The following IRAK1BP1 variants were observed in gnomAD, a reference collection of about 807,000 sequenced individuals.
IRAK1BP1 encodes the protein interleukin 1 receptor associated kinase 1 binding protein 1.
A neutral mutation model predicts 28.0 loss-of-function variants in IRAK1BP1; 24 were observed. The observed-to-expected ratio is 0.86, with a 90% CI of 0.62 to 1.20. The LOEUF is 1.20. IRAK1BP1 is among the 50% of genes most tolerant of loss of function. The pLI, the probability that IRAK1BP1 is intolerant of heterozygous loss-of-function variation, is 0.00. For missense variants in IRAK1BP1, 336 were observed against 316.7 expected, an observed-to-expected ratio of 1.06 and a Z score of -0.46; for synonymous variants, 131 against 116.3, an observed-to-expected ratio of 1.13 and a Z score of -0.81.
chr6:78,972,373 T>C, the IRAK1BP1 span, among the ~76,000 whole-genome samples: 1 of 152,062 alleles, frequency 6.6e-6, no homozygotes, highest in African/African-American at 2.4e-5. Context: ...CAAAAACCCA[T>C]CTGTACATCA....
the IRAK1BP1 span, chr6:78,961,928 T>C: frequency 1.4e-6 from 1 of 724,784 alleles, no homozygotes; most frequent in Non-Finnish European, 2.2e-6. Context: ...AGTCTGCCAC[T>C]GTCTTTTCAT....
intron 4 of IRAK1BP1, among the ~76,000 whole-genome samples, chr6:78,943,989 T>TAA (rs1424311614): frequency 0.021 from 998 of 46,716 alleles, 5 homozygotes; most frequent in Non-Finnish European, 0.026. Context: ...CTGTCTTTTT[T>TAA]TAAAAAAAAA....
At chr6:78,893,893 ACT>A (rs1208207801) in intron 2 of IRAK1BP1, among the ~76,000 whole-genome samples, 1 of 152,012 alleles carries the variant, frequency 6.6e-6, no homozygotes, top group Non-Finnish European at 1.5e-5. Context: ...ACAGAGCAAG[ACT>A]CTGTCTCAAA....
chr6:78,972,369 C>G, the IRAK1BP1 span, among the ~76,000 whole-genome samples: 9 of 152,130 alleles, frequency 5.9e-5, no homozygotes, highest in Non-Finnish European at 1.0e-4. Context: ...ACATCAAAAA[C>G]CCATCTGTAC....
Position 78,898,770 on chromosome 6 carries a change from GAC to G in IRAK1BP1, c.*438_*439del, listed in dbSNP as rs894094006. ...GTTAGCTAAATTTTTTAAATTGTAAGACAAAATTTTTATGGAAAAGAATTCCT... is the reference window on the plus strand; with the variant it reads ...GTTAGCTAAATTTTTTAAATTGTAAGAAAATTTTTATGGAAAAGAATTCCT... On this transcript the variant is annotated 3_prime_UTR_variant, in exon 4 of 4. Transcript: ENST00000369940. 3.3e-5 allele frequency: 5 copies of G among 151,816 alleles called. No individual in the cohort carries two copies. The highest frequency in any genetic ancestry group is 1.2e-4 in the African/African-American group (5 of 41,324). 9.4% of individuals were successfully genotyped at this position (151,816 alleles called of 1,614,324 possible). A position where few individuals can be genotyped will look rare whatever the true frequency, so the allele number is the denominator to read the frequency against.
rs529972201 is a variant in IRAK1BP1, at chr6:78,867,659, C to T, written c.83C>T (p.Ala28Val). ...WADRSRENNL[A>V]SGRETLPGLR... ...GACCGGAGCCGGGAGAACAACCTGG[C>T]CTCAGGGAGAGAGACGCTACCGGGC... Residue 28 changes from alanine (A) to valine (V), a missense_variant, in exon 1 of 4, where the codon GCC (alanine) becomes GTC (valine). Physicochemically the swap from Ala to Val is moderately conservative, Grantham distance 64. Transcript: ENST00000369940. 8 of 1,614,246 alleles carry T rather than the reference C, an allele frequency of 5.0e-6. No individual in the cohort carries two copies. In the Admixed American group the frequency reaches 8.3e-5, roughly 17 times the overall value.
At chr6:78,908,200 G>A (rs1037132889) in intron 4 of IRAK1BP1, among the ~76,000 whole-genome samples, 2 of 151,420 alleles carry the variant, frequency 1.3e-5, no homozygotes, top group African/African-American at 2.4e-5. Context: ...ACAGGTGCCC[G>A]CCATCATGCC....
the IRAK1BP1 span, chr6:78,958,656 C>A: frequency 9.4e-7 from 1 of 1,063,152 alleles, no homozygotes; most frequent in Non-Finnish European, 1.4e-6. Flanking sequence ...AATATGTGTA[C>A]ATCATTTAAA....
At chr6:78,962,375 ATACT>A in the IRAK1BP1 span, among the ~76,000 whole-genome samples, 1 of 152,158 alleles carries the variant, frequency 6.6e-6, no homozygotes, top group African/African-American at 2.4e-5. Context: ...TTCGCATATA[ATACT>A]TAATATCCTA....
chr6:78,894,799 C>A (rs1224311915), intron 2 of IRAK1BP1, among the ~76,000 whole-genome samples: 1 of 152,060 alleles, frequency 6.6e-6, no homozygotes, highest in African/African-American at 2.4e-5. Flanking sequence ...CCAAGGTAGA[C>A]CATATTCTGT....
chr6:78,966,055 A>C, the IRAK1BP1 span: 1 of 1,604,234 alleles, frequency 6.2e-7, no homozygotes, highest in African/African-American at 1.3e-5. Context: ...TGAAGCGGTC[A>C]CCTGGCCAAG....
chr6:78,927,243 A>T (rs1386176112), intron 4 of IRAK1BP1, among the ~76,000 whole-genome samples: 1 of 152,176 alleles, frequency 6.6e-6, no homozygotes, highest in Non-Finnish European at 1.5e-5. Context: ...AGCCATTTTA[A>T]CTGGGGTGAG....
chr6:78,938,686 ATT>A (rs1773360480), intron 4 of IRAK1BP1: 2 of 151,670 alleles, frequency 1.3e-5, no homozygotes, highest in Admixed American at 1.3e-4. Context: ...AGTTAAATAT[ATT>A]TGTTAGAAAA....
intron 4 of IRAK1BP1, among the ~76,000 whole-genome samples, chr6:78,915,419 G>A (rs1443809373): frequency 2.6e-5 from 4 of 152,138 alleles, no homozygotes; most frequent in East Asian, 1.9e-4. Flanking sequence ...CCAAGAAAAC[G>A]TGCCTCACAG....
At chr6:78,916,425 C>T (rs957799792) in intron 4 of IRAK1BP1, among the ~76,000 whole-genome samples, 2 of 152,028 alleles carry the variant, frequency 1.3e-5, no homozygotes, top group Non-Finnish European at 2.9e-5. Context: ...AGAAGTCACT[C>T]ATCAATCCAG....
chr6:78,890,676 A>G (rs147375540), intron 2 of IRAK1BP1, among the ~76,000 whole-genome samples: 98 of 152,346 alleles, frequency 6.4e-4, no homozygotes, highest in African/African-American at 2.2e-3. Context: ...CTGAACAGCA[A>G]TTGGACCTCT....
chr6:78,946,363 T>C (rs541024126), exon 5 of IRAK1BP1: 223 of 1,400,232 alleles, frequency 1.6e-4, no homozygotes, highest in Non-Finnish European at 3.8e-6. Flanking sequence ...TTATGAAATA[T>C]GTTAAAATAT....
chr6:78,901,970 T>C lies in IRAK1BP1; in HGVS notation c.*3636T>C, dbSNP rs2127657175. ...AATAGTAAGGAGTTCTTATAGCCTA[T>C]AAAAAGCATGAATTATGAGATCAAA... On this transcript the variant is annotated 3_prime_UTR_variant, in exon 4 of 4. Coordinates refer to ENST00000369940, the MANE Select transcript of IRAK1BP1 (RefSeq NM_001010844.4). The C allele has an allele frequency of 6.6e-6, 1 of 152,312 alleles. No individual in the cohort carries two copies. The highest frequency in any genetic ancestry group is 2.4e-5 in the African/African-American group (1 of 41,582). 9.4% of individuals were successfully genotyped at this position (152,312 alleles called of 1,614,324 possible).
chr6:78,892,885 A>G (rs1211173631), intron 2 of IRAK1BP1, among the ~76,000 whole-genome samples: 2 of 152,282 alleles, frequency 1.3e-5, no homozygotes, highest in East Asian at 3.9e-4. Context: ...AACACAGAAA[A>G]GAAAGATGTA....
Sources: allele counts gnomAD v4.1 joint callset (sites outside exome capture counted in the v4.1 genomes callset), GRCh38; gene constraint gnomAD v4.1.1; transcripts MANE v1.5; gene names NCBI Gene and HGNC (gene_info 2026-07-23, HGNC 2026-07-21).